TTI2: variants seen among roughly 807,000 people sequenced by gnomAD.
The protein encoded by TTI2 is TELO2 interacting protein 2, also known as TELO2-interacting protein 2.
A neutral mutation model predicts 44.9 loss-of-function variants in TTI2; 26 were observed. That is an observed-to-expected ratio of 0.58 (90% CI 0.42 to 0.80). The LOEUF is 0.80. Ranked by LOEUF, TTI2 falls within the 30% of genes least tolerant of loss-of-function variation. The pLI is 0.00. For synonymous variants in TTI2, 254 were observed against 250.9 expected, an observed-to-expected ratio of 1.01 and a Z score of -0.12; for missense variants, 582 against 611.6, an observed-to-expected ratio of 0.95 and a Z score of 0.51.
intron 3 of TTI2, 62 bp from the exon 4 acceptor site, chr8:33,507,383 A>G: frequency 2.1e-6 from 3 of 1,447,688 alleles, no homozygotes; most frequent in East Asian, 4.6e-5. Flanking sequence ...CATGTTGACT[A>G]TCTTTGAAAT....
intron 2 of TTI2, among the ~76,000 whole-genome samples, chr8:33,510,166 GAGA>G (rs1295470504): frequency 5.3e-5 from 8 of 152,104 alleles, no homozygotes; most frequent in Admixed American, 5.2e-4. Context: ...CCTATCCAAT[GAGA>G]AGGAGTCAAT....
At chr8:33,502,884 C>T (rs1194395527) in intron 6 of TTI2, among the ~76,000 whole-genome samples, 2 of 151,584 alleles carry the variant, frequency 1.3e-5, no homozygotes, top group African/African-American at 4.8e-5. Flanking sequence ...AACCCCAGCA[C>T]TTTGGGAGGC....
intron 2 of TTI2, 26 bp downstream of exon 2, chr8:33,511,941 C>A: frequency 6.2e-7 from 1 of 1,613,024 alleles, no homozygotes; most frequent in South Asian, 1.1e-5. Flanking sequence ...AGGCTCAAGT[C>A]GGTGGCAAAG....
Position 33,503,491 on chromosome 8 carries a change from C to T in TTI2, c.1197G>A (p.Glu399=), listed in dbSNP as rs1033589421. Residue 399 remains glutamate, a synonymous_variant, in exon 6 of 8, where the codon GAG becomes GAA. Transcript: ENST00000431156. The part of the protein sequence containing the change: ...IGYLEVYDGP[E]EEARLKILET... The stretch of plus-strand genomic sequence containing the variant: ...CCAATATCTTCAGTCTAGCTTCCTC[C>T]TCAGGTCCATCATAAACCTCCAGAT... 6.2e-7 allele frequency: 1 copy of T among 1,614,136 alleles called. No homozygotes were observed. Among genetic ancestry groups the T allele is most frequent in the Non-Finnish European group, 8.5e-7 (1 of 1,180,024 alleles).
At chr8:33,504,625 T>C (rs999795596) in intron 4 of TTI2, among the ~76,000 whole-genome samples, 1 of 151,710 alleles carries the variant, frequency 6.6e-6, no homozygotes, top group African/African-American at 2.4e-5. Flanking sequence ...GGGCTACATA[T>C]AAAATACACT....
At chr8:33,500,212 C>T in intron 7 of TTI2, 116 bp downstream of exon 7, 1 of 1,201,740 alleles carries the variant, frequency 8.3e-7, no homozygotes. Context: ...AGATCTAAAA[C>T]CCTCCATGTT....
chr8:33,511,099 G>A (rs1456238103), intron 2 of TTI2, among the ~76,000 whole-genome samples: 2 of 152,086 alleles, frequency 1.3e-5, no homozygotes, highest in Non-Finnish European at 2.9e-5. Context: ...TTGGAGTGCA[G>A]TGGCCCGATC....
chr8:33,502,092 C>T lies in TTI2; in HGVS notation c.1259+1337G>A, dbSNP rs184713034. On this transcript the variant is annotated intron_variant, in intron 6 of 7. Coordinates refer to ENST00000431156, the MANE Select transcript of TTI2 (RefSeq NM_001102401.4). ...CTGAGTAGCTGGGACTACAGGTGCG[C>T]GCCACCATGCCCGGCTAAGTTTTGT... Among the ~76,000 whole-genome samples, 240 of 152,130 alleles carry T rather than the reference C, an allele frequency of 1.6e-3. 2 individuals are homozygous for T. Among genetic ancestry groups the T allele is most frequent in the Middle Eastern group, 3.4e-3 (1 of 294 alleles).
At chr8:33,511,403 C>T (rs1360476094) in intron 2 of TTI2, among the ~76,000 whole-genome samples, 1 of 152,080 alleles carries the variant, frequency 6.6e-6, no homozygotes, top group African/African-American at 2.4e-5. Flanking sequence ...CCTAGGCAGT[C>T]GTCCTAAGGG....
chr8:33,503,605 C>T, intron 5 of TTI2, 33 bp from the exon 6 acceptor site: 1 of 1,612,376 alleles, frequency 6.2e-7, no homozygotes, highest in Non-Finnish European at 8.5e-7. Context: ...GACGCCAGTG[C>T]AGTGGCTCAT....
At chr8:33,508,016 C>T (rs1483451045) in intron 3 of TTI2, among the ~76,000 whole-genome samples, 1 of 122,296 alleles carries the variant, frequency 8.2e-6, no homozygotes, top group African/African-American at 3.1e-5. Context: ...GGAAAATGTA[C>T]TGCCCCTAGC....
intron 6 of TTI2, 55 bp downstream of exon 6, chr8:33,503,374 A>C: frequency 6.2e-7 from 1 of 1,613,028 alleles, no homozygotes; most frequent in Non-Finnish European, 8.5e-7. Flanking sequence ...AAATACATCC[A>C]AGCAAGTTCT....
intron 3 of TTI2, among the ~76,000 whole-genome samples, chr8:33,509,455 C>CAAAAA (rs767485555): frequency 5.8e-5 from 4 of 69,516 alleles, no homozygotes; most frequent in African/African-American, 1.2e-4. Flanking sequence ...GACTCCCTCT[C>CAAAAA]AAAAAAAAAA....
In TTI2 at chr8:33,512,689, G is replaced by C; in HGVS notation, c.-76C>G. 6.5e-7 allele frequency: 1 copy of C among 1,534,616 alleles called. No individual in the cohort carries two copies. The highest frequency in any genetic ancestry group is 1.1e-5 in the South Asian group (1 of 88,298). On this transcript the variant is annotated 5_prime_UTR_variant, in exon 2 of 8. Coordinates refer to ENST00000431156, the MANE Select transcript of TTI2 (RefSeq NM_001102401.4). Reference sequence around the variant, plus strand: ...GGCGGGGAGGGATCCGTTGAAGAGGGAAGGAGCGATCACCCAAAGAGAACT... The same window carrying C: ...GGCGGGGAGGGATCCGTTGAAGAGGCAAGGAGCGATCACCCAAAGAGAACT...
In TTI2 at chr8:33,512,209, G is replaced by C; in HGVS notation, c.405C>G (p.Val135=). The change falls in exon 2 of 8, where the codon GTC becomes GTG. Residue 135 remains valine, a synonymous_variant. Transcript: ENST00000431156. ...GCAGGCCCGTCTGCCATGCAGGGCC[G>C]ACCAGGGAATTCTTAGCAGTCTCAA... The part of the protein sequence containing the change: ...GKVETAKNSL[V]GPAWQTGLHH... 1 of 1,614,160 alleles carries C rather than the reference G, an allele frequency of 6.2e-7. No homozygotes were observed. The highest frequency in any genetic ancestry group is 8.5e-7 in the Non-Finnish European group (1 of 1,180,040).
At chr8:33,502,639 A>G (rs1235557611) in intron 6 of TTI2, among the ~76,000 whole-genome samples, 1 of 152,066 alleles carries the variant, frequency 6.6e-6, no homozygotes, top group Non-Finnish European at 1.5e-5. Flanking sequence ...CCTGGCCAAC[A>G]TGGTGAAACA....
rs1809589991 is a variant in TTI2 at position 33,512,532 on chromosome 8, G to C, written c.82C>G (p.Gln28Glu). Residue 28 changes from glutamine (Q) to glutamate (E), a missense_variant, in exon 2 of 8, where the codon CAG (glutamine) becomes GAG (glutamate). Coordinates refer to ENST00000431156, the MANE Select transcript of TTI2 (RefSeq NM_001102401.4). ...CAGTGTAAAATCTTGGAGAAGGCCT[G>C]TCCAAAGGCGGAGTGAGACAACTCC... ...SEELSHSAFG[Q>E]AFSKILHCLA... is the part of the protein sequence containing the mutation. 1 of 1,614,022 alleles carries C rather than the reference G, an allele frequency of 6.2e-7. No homozygotes were observed. Among genetic ancestry groups the C allele is most frequent in the Non-Finnish European group, 8.5e-7 (1 of 1,180,048 alleles).
chr8:33,502,671 T>A (rs954866119), intron 6 of TTI2, among the ~76,000 whole-genome samples: 1 of 145,148 alleles, frequency 6.9e-6, no homozygotes, highest in Admixed American at 6.8e-5. Flanking sequence ...AAAAATTTTT[T>A]AAAAATTAGC....
chr8:33,504,830 T>C (rs955839828), intron 4 of TTI2, among the ~76,000 whole-genome samples: 3 of 152,188 alleles, frequency 2.0e-5, no homozygotes, highest in African/African-American at 7.2e-5. Context: ...TCTTGGTGTT[T>C]TGGTTTTCTA....
Sources: allele counts gnomAD v4.1 joint callset (sites outside exome capture counted in the v4.1 genomes callset), GRCh38; gene constraint gnomAD v4.1.1; transcripts MANE v1.5; gene names NCBI Gene and HGNC (gene_info 2026-07-23, HGNC 2026-07-21).